Variants in SLC4A10 observed in about 807,000 individuals in gnomAD.
The protein encoded by SLC4A10 is solute carrier family 4 member 10.
In SLC4A10, 42 loss-of-function variants were observed where a neutral mutation model predicts 137.7. The observed-to-expected ratio is 0.30, with a 90% CI of 0.24 to 0.39. The LOEUF is 0.39. Ranked by LOEUF, SLC4A10 falls within the 10% of genes least tolerant of loss-of-function variation. The pLI, the probability that SLC4A10 is intolerant of heterozygous loss-of-function variation, is 1.00. For missense variants in SLC4A10, 925 were observed against 1,355.0 expected (o/e 0.68, Z 4.98); for synonymous variants, 474 against 464.1 (o/e 1.02, Z -0.27).
intron 20 of SLC4A10, among the ~76,000 whole-genome samples, chr2:161,958,134 T>C (rs1042742135): frequency 1.3e-5 from 2 of 152,184 alleles, no homozygotes; most frequent in Non-Finnish European, 2.9e-5. Context: ...ATCTTATCTT[T>C]GTAAAGCAAA....
chr2:161,701,751 C>T (rs2043139691), intron 1 of SLC4A10, among the ~76,000 whole-genome samples: 2 of 151,946 alleles, frequency 1.3e-5, no homozygotes, highest in South Asian at 2.1e-4. Context: ...CCTAGCTTCT[C>T]ATAACCACCA....
Position 161,873,930 on chromosome 2 carries a change from A to G in SLC4A10, c.873A>G (p.Gln291=). 1 of 1,594,332 alleles carries G rather than the reference A, an allele frequency of 6.3e-7. No individual in the cohort carries two copies. Among genetic ancestry groups the G allele is most frequent in the Non-Finnish European group, 8.5e-7 (1 of 1,177,978 alleles). ...TATGCGTGCAGGGACTGGGAGGCCA[A>G]CAAAAGGGGCATACTAGTCCATGTG... ...TVDFSKGLGG[Q]QKGHTSPCGM... The change falls in exon 8 of 27, where the codon CAA becomes CAG. Residue 291 remains glutamine, a synonymous_variant. Coordinates refer to ENST00000446997, the MANE Select transcript of SLC4A10 (RefSeq NM_001178015.2).
intron 1 of SLC4A10, among the ~76,000 whole-genome samples, chr2:161,628,008 T>C (rs2032786411): frequency 1.3e-5 from 2 of 152,142 alleles, no homozygotes; most frequent in Non-Finnish European, 2.9e-5. Context: ...TTATAACCTT[T>C]TTGATATGGA....
At chr2:161,919,205 G>A (rs1687691279) in intron 15 of SLC4A10, among the ~76,000 whole-genome samples, 1 of 152,178 alleles carries the variant, frequency 6.6e-6, no homozygotes, top group Non-Finnish European at 1.5e-5. Flanking sequence ...TGGAGGCCAA[G>A]GTGGGGCTGA....
rs540786098 is a variant in SLC4A10, at chr2:161,883,157, C to T, written c.1194+713C>T. 1.9e-4 allele frequency among the ~76,000 whole-genome samples: 29 copies of T among 151,996 alleles called. 1 individual carries two copies. The highest frequency in any genetic ancestry group is 6.5e-4 in the African/African-American group (27 of 41,422). ...TATGGAAATTTGTTGTTATTGTTAA[C>T]GGGAAGAGCAGATGCAGTAGATCAC... On this transcript the variant is annotated intron_variant, in intron 10 of 26. Coordinates refer to ENST00000446997, the MANE Select transcript of SLC4A10 (RefSeq NM_001178015.2).
At chr2:161,809,499 A>G (rs2125626854) in intron 3 of SLC4A10, among the ~76,000 whole-genome samples, 3 of 152,228 alleles carry the variant, frequency 2.0e-5, no homozygotes, top group Middle Eastern at 6.8e-3. Context: ...TAGAATTATT[A>G]TAACTTAAAG....
intron 1 of SLC4A10, among the ~76,000 whole-genome samples, chr2:161,718,727 T>C (rs2045249056): frequency 1.3e-5 from 2 of 152,092 alleles, no homozygotes; most frequent in Admixed American, 6.6e-5. Context: ...ATGTGATCAG[T>C]TTTAGAGTAG....
In SLC4A10 at chr2:161,983,378, T is replaced by C; in HGVS notation, c.*226T>C. The C allele has an allele frequency of 1.4e-6, 1 of 727,372 alleles. No individual in the cohort carries two copies. The highest frequency in any genetic ancestry group is 2.2e-6 in the Non-Finnish European group (1 of 453,374). 45.1% of individuals were successfully genotyped at this position (727,372 alleles called of 1,614,324 possible). A position where few individuals can be genotyped will look rare whatever the true frequency, so the allele number is the denominator to read the frequency against. On this transcript the variant is annotated 3_prime_UTR_variant, in exon 27 of 27. Coordinates refer to ENST00000446997, the MANE Select transcript of SLC4A10 (RefSeq NM_001178015.2). ...CTTCATACTGTAAGTAGTGCAATAC[T>C]TGTTTCATTTCTGTGTTTAAACTTC...
intron 15 of SLC4A10, among the ~76,000 whole-genome samples, chr2:161,924,714 C>T (rs1263715000): frequency 6.6e-6 from 1 of 152,112 alleles, no homozygotes; most frequent in Non-Finnish European, 1.5e-5. Flanking sequence ...TCTCCTATGA[C>T]ATTGGTACAT....
chr2:161,806,204 C>T (rs2055930153), intron 3 of SLC4A10, among the ~76,000 whole-genome samples: 1 of 152,100 alleles, frequency 6.6e-6, no homozygotes, highest in Non-Finnish European at 1.5e-5. Flanking sequence ...AGGCTGTACA[C>T]AGGATGGGTA....
At chr2:161,640,589 TTTCTTTCCTTCC>T in intron 1 of SLC4A10, among the ~76,000 whole-genome samples, 1 of 148,656 alleles carries the variant, frequency 6.7e-6, no homozygotes, top group African/African-American at 2.5e-5. Flanking sequence ...AAGCTTTCTC[TTTCTTTCCTTCC>T]TTCCTTCCTT....
chr2:161,932,601 A>T (rs1425643286), intron 15 of SLC4A10, among the ~76,000 whole-genome samples: 1 of 152,122 alleles, frequency 6.6e-6, no homozygotes, highest in Non-Finnish European at 1.5e-5. Flanking sequence ...TCAGGATCAG[A>T]TCATGGAGGA....
chr2:161,774,605 T>G (rs2052083480), intron 2 of SLC4A10, among the ~76,000 whole-genome samples: 1 of 151,848 alleles, frequency 6.6e-6, no homozygotes, highest in Non-Finnish European at 1.5e-5. Flanking sequence ...GTGGTTTTAC[T>G]GAATGAGTAC....
chr2:161,757,921 C>T (rs1288049677), intron 1 of SLC4A10, among the ~76,000 whole-genome samples: 1 of 151,952 alleles, frequency 6.6e-6, no homozygotes, highest in Non-Finnish European at 1.5e-5. Context: ...AATTTTTGGT[C>T]TTGTGAAGAG....
chr2:161,626,098 A>G (rs1477020986), intron 1 of SLC4A10, among the ~76,000 whole-genome samples: 2 of 152,136 alleles, frequency 1.3e-5, no homozygotes, highest in Non-Finnish European at 2.9e-5. Flanking sequence ...TCTTCCCTGG[A>G]TGAGAGACGG....
At chr2:161,803,564 A>G (rs187402145) in intron 2 of SLC4A10, among the ~76,000 whole-genome samples, 296 of 152,250 alleles carry the variant, frequency 1.9e-3, no homozygotes, top group Middle Eastern at 6.8e-3. Flanking sequence ...TGATATTTTT[A>G]CTGTCTCTAT....
At chr2:161,747,649 A>G (rs1226819178) in intron 1 of SLC4A10, among the ~76,000 whole-genome samples, 1 of 151,422 alleles carries the variant, frequency 6.6e-6, no homozygotes, top group East Asian at 1.9e-4. Flanking sequence ...TGTCTCCCCC[A>G]CCTTTTTTTT....
At chr2:161,774,549 T>G (rs1330719396) in intron 2 of SLC4A10, among the ~76,000 whole-genome samples, 3 of 151,834 alleles carry the variant, frequency 2.0e-5, no homozygotes, top group Non-Finnish European at 4.4e-5. Context: ...AAGAATTACC[T>G]TCAGCTGAAA....
chr2:161,787,349 G>A (rs2053741808), intron 2 of SLC4A10, among the ~76,000 whole-genome samples: 1 of 152,050 alleles, frequency 6.6e-6, no homozygotes, highest in Non-Finnish European at 1.5e-5. Flanking sequence ...CTCTCTTTAA[G>A]ATTTTTTCTT....
Sources: allele counts gnomAD v4.1 joint callset (sites outside exome capture counted in the v4.1 genomes callset), GRCh38; gene constraint gnomAD v4.1.1; transcripts MANE v1.5; gene names NCBI Gene and HGNC (gene_info 2026-07-23, HGNC 2026-07-21).